The following FARP1 variants were observed in gnomAD, a reference collection of about 807,000 sequenced individuals.
FARP1 encodes the protein FERM, ARHGEF and pleckstrin domain-containing protein 1.
In FARP1, 52 loss-of-function variants were observed where a neutral mutation model predicts 128.8. That is an observed-to-expected ratio of 0.40 (90% CI 0.32 to 0.51). FARP1 has a LOEUF of 0.51. FARP1 is among the 20% of genes least tolerant of loss of function. The probability of loss-of-function intolerance (pLI) is 0.45; values close to 1 mark genes in which losing one functional copy is unlikely to be tolerated. For synonymous variants in FARP1, 580 were observed against 551.8 expected, an observed-to-expected ratio of 1.05 and a Z score of -0.72; for missense variants, 1,333 against 1,367.9, an observed-to-expected ratio of 0.97 and a Z score of 0.40.
At chr13:98,384,398 G>T (rs143820131) in intron 6 of FARP1, 9,913 of 258,858 alleles carry the variant, frequency 0.038, 967 homozygotes, top group African/African-American at 0.2. Flanking sequence ...TCGCCATGTT[G>T]CCCAGGCTGA....
chr13:98,313,168 C>T (rs1422469802), intron 2 of FARP1, among the ~76,000 whole-genome samples: 1 of 145,240 alleles, frequency 6.9e-6, no homozygotes, highest in Non-Finnish European at 1.5e-5. Flanking sequence ...GGTCATAATA[C>T]ACACATACAC....
At chr13:98,364,236 A>G (rs540377605) in intron 3 of FARP1, among the ~76,000 whole-genome samples, 3 of 152,186 alleles carry the variant, frequency 2.0e-5, no homozygotes, top group East Asian at 3.8e-4. Context: ...TGATTCTCTA[A>G]TAAGTCTCCA....
chr13:98,413,207 G>A (rs1050728211), intron 16 of FARP1, among the ~76,000 whole-genome samples: 8 of 152,222 alleles, frequency 5.3e-5, no homozygotes, highest in Non-Finnish European at 1.2e-4. Context: ...AGAGGGAGGT[G>A]ACAGGCATTA....
intron 2 of FARP1, among the ~76,000 whole-genome samples, chr13:98,227,180 G>T (rs1473381518): frequency 2.0e-5 from 3 of 152,138 alleles, no homozygotes; most frequent in Non-Finnish European, 4.4e-5. Flanking sequence ...CTGACCTCAT[G>T]ATCCGCCCGC....
At chr13:98,267,894 G>A (rs548264808) in intron 2 of FARP1, among the ~76,000 whole-genome samples, 3 of 152,292 alleles carry the variant, frequency 2.0e-5, no homozygotes, top group East Asian at 3.9e-4. Flanking sequence ...GGCTCCCTCA[G>A]GGGCAGCAAA....
chr13:98,307,341 G>A (rs1348575054), intron 2 of FARP1, among the ~76,000 whole-genome samples: 2 of 152,144 alleles, frequency 1.3e-5, no homozygotes, highest in African/African-American at 4.8e-5. Context: ...ATTCTGTTAT[G>A]GATGGAGTTG....
At chr13:98,236,383 C>G (rs557693860) in intron 2 of FARP1, among the ~76,000 whole-genome samples, 1 of 152,262 alleles carries the variant, frequency 6.6e-6, no homozygotes, top group East Asian at 1.9e-4. Flanking sequence ...GATACCTGCT[C>G]AGAGCCTTCC....
At position 98,176,141 on chromosome 13, in the gene FARP1, T is replaced by C. The variant is rs778664498; in HGVS notation, c.-24+32649T>C. On this transcript the variant is annotated intron_variant, in intron 1 of 26. Coordinates refer to ENST00000319562, the MANE Select transcript of FARP1 (RefSeq NM_005766.4). The surrounding 1 kb of genome is among the most constrained non-coding windows in gnomAD (Gnocchi z 6.2). The stretch of plus-strand genomic sequence containing the variant: ...CTCAACAGGCTGCTTCTCCCCAGTG[T>C]ACATACAGACTTGAGTCTTTCTTAT... The C allele has an allele frequency of 1.2e-6, 2 of 1,600,102 alleles. No individual in the cohort carries two copies. The highest frequency in any genetic ancestry group is 2.2e-5 in the South Asian group (2 of 90,296).
chr13:98,344,746 C>G (rs768539799), intron 3 of FARP1, among the ~76,000 whole-genome samples: 4 of 152,142 alleles, frequency 2.6e-5, no homozygotes, highest in Non-Finnish European at 4.4e-5. Flanking sequence ...CTGAGCAGAG[C>G]AGGTGGTGAA....
chr13:98,389,971 T>C lies in FARP1; in HGVS notation c.870T>C (p.Asp290=). 1 of 1,614,224 alleles carries C rather than the reference T, an allele frequency of 6.2e-7. No individual in the cohort carries two copies. The highest frequency in any genetic ancestry group is 8.5e-7 in the Non-Finnish European group (1 of 1,180,032). ...TCCCTTTTTAGAGTGCGTACCAGGA[T>C]ACCTTGGAATTCCTGATGGCCAGTC... ...LRPDANSAYQ[D]TLEFLMASRD... Residue 290 remains aspartate (D), a synonymous_variant, in exon 10 of 27, where the codon GAT becomes GAC. Transcript: ENST00000319562.
Position 98,368,188 on chromosome 13 carries a change from C to A in FARP1, c.391C>A (p.Leu131Ile). Residue 131 changes from leucine to isoleucine, a missense_variant, in exon 5 of 27, where the codon CTC becomes ATC. By Grantham distance (5) the Leu-to-Ile change is conservative (BLOSUM62 2). Transcript: ENST00000319562. Reference protein sequence around the residue: ...PPDHTQLQEELTRYLFALQVK... With the variant: ...PPDHTQLQEEITRYLFALQVK... ...TGACCACACACAACTCCAAGAAGAA[C>A]TCACAAGGTTAGTGGTTTGGAAACT... 1 of 1,612,796 alleles carries A rather than the reference C, an allele frequency of 6.2e-7. No individual in the cohort carries two copies. The highest frequency in any genetic ancestry group is 8.5e-7 in the Non-Finnish European group (1 of 1,178,836).
At chr13:98,274,498 G>A (rs965072277) in intron 2 of FARP1, among the ~76,000 whole-genome samples, 5 of 151,982 alleles carry the variant, frequency 3.3e-5, no homozygotes, top group African/African-American at 7.3e-5. Flanking sequence ...ATATTTCTAC[G>A]ATAATAGTTT....
intron 2 of FARP1, among the ~76,000 whole-genome samples, chr13:98,265,310 A>G (rs61970240): frequency 1.6e-4 from 8 of 51,610 alleles, no homozygotes; most frequent in South Asian, 9.0e-4. Flanking sequence ...CTCCTTCCTG[A>G]ATTTTTTTTT....
chr13:98,185,236 C>T lies in FARP1; in HGVS notation c.-23-27984C>T, dbSNP rs138744917. ...ATCCATATCTTTATATAATAACTGG[C>T]TGGTAAAAATTCCTGAAAATTTAAC... On this transcript the variant is annotated intron_variant, in intron 1 of 26. Coordinates refer to ENST00000319562, the MANE Select transcript of FARP1 (RefSeq NM_005766.4). Among the ~76,000 whole-genome samples the T allele has an allele frequency of 2.6e-5, 4 of 152,134 alleles. No individual in the cohort carries two copies. The East Asian group carries it at 7.7e-4, about 29-fold the overall frequency.
chr13:98,420,318 C>T (rs1891547435), intron 16 of FARP1, among the ~76,000 whole-genome samples: 1 of 152,162 alleles, frequency 6.6e-6, no homozygotes, highest in Non-Finnish European at 1.5e-5. Flanking sequence ...TCTGCCTCCT[C>T]TTAGGGGGGT....
chr13:98,371,363 C>T (rs1337231348), intron 5 of FARP1, among the ~76,000 whole-genome samples: 5 of 152,188 alleles, frequency 3.3e-5, no homozygotes, highest in South Asian at 4.2e-4. Flanking sequence ...ACCATCGAGC[C>T]GCATGTGCCT....
chr13:98,290,403 A>G (rs1255336198), intron 2 of FARP1, among the ~76,000 whole-genome samples: 1 of 151,936 alleles, frequency 6.6e-6, no homozygotes, highest in Admixed American at 6.5e-5. Flanking sequence ...CCCATTTCCC[A>G]TGGGTCTCTG....
chr13:98,290,288 A>G (rs1387613037), intron 2 of FARP1, among the ~76,000 whole-genome samples: 1 of 152,038 alleles, frequency 6.6e-6, no homozygotes, highest in South Asian at 2.1e-4. Context: ...ATGGTGTGCA[A>G]ATGGATATAT....
chr13:98,194,127 A>T (rs1021601990), intron 1 of FARP1, among the ~76,000 whole-genome samples: 15 of 151,544 alleles, frequency 9.9e-5, no homozygotes, highest in African/African-American at 3.4e-4. Flanking sequence ...TATTATTATT[A>T]TTTTTTGAGA....
Sources: allele counts gnomAD v4.1 joint callset (sites outside exome capture counted in the v4.1 genomes callset), GRCh38; gene constraint gnomAD v4.1.1; non-coding constraint Gnocchi (gnomAD v3.1); transcripts MANE v1.5; gene names NCBI Gene and HGNC (gene_info 2026-07-23, HGNC 2026-07-21).